Variants in CLEC16A observed in about 807,000 individuals in gnomAD.
CLEC16A encodes protein CLEC16A.
Under a neutral mutation model 109.5 loss-of-function variants are expected in CLEC16A, and 51 were observed. The ratio of observed to expected loss-of-function variants is 0.47; its 90% CI spans 0.37 to 0.59. CLEC16A has a LOEUF of 0.59. CLEC16A is among the 20% of genes least tolerant of loss of function. The pLI, the probability that CLEC16A is intolerant of heterozygous loss-of-function variation, is 0.00. For synonymous variants in CLEC16A, 673 were observed against 564.2 expected (o/e 1.19, Z -2.73); for missense variants, 1,339 against 1,394.0 (o/e 0.96, Z 0.63).
intron 17 of CLEC16A, 103 bp downstream of exon 17, chr16:11,047,445 A>T: frequency 1.5e-6 from 1 of 679,832 alleles, no homozygotes; most frequent in Non-Finnish European, 2.3e-6. Context: ...GGGCTTTGTG[A>T]CCAAATAGCA....
At chr16:11,012,296 A>C (rs1444010632) in intron 11 of CLEC16A, among the ~76,000 whole-genome samples, 1 of 152,174 alleles carries the variant, frequency 6.6e-6, no homozygotes, top group Non-Finnish European at 1.5e-5. Context: ...CTGTACATAC[A>C]CTTAAGAAAG....
At chr16:11,112,373 G>C (rs183279325) in intron 19 of CLEC16A, among the ~76,000 whole-genome samples, 6 of 151,674 alleles carry the variant, frequency 4.0e-5, no homozygotes, top group South Asian at 2.1e-4. Context: ...AAATAAAATA[G>C]AATGGGTCAG....
At chr16:11,028,171 G>A (rs1179925813) in intron 13 of CLEC16A, among the ~76,000 whole-genome samples, 4 of 152,234 alleles carry the variant, frequency 2.6e-5, no homozygotes, top group Non-Finnish European at 5.9e-5. Flanking sequence ...TTGCACTCCA[G>A]CCTGGGCAAC....
intron 1 of CLEC16A, among the ~76,000 whole-genome samples, chr16:10,949,841 T>C (rs1211360915): frequency 6.6e-6 from 1 of 152,180 alleles, no homozygotes; most frequent in African/African-American, 2.4e-5. Context: ...TAGCAGCTGC[T>C]GTCATCCAGG....
At chr16:10,960,867 C>G (rs1018391459) in intron 2 of CLEC16A, among the ~76,000 whole-genome samples, 2 of 152,154 alleles carry the variant, frequency 1.3e-5, no homozygotes, top group Admixed American at 1.3e-4. Flanking sequence ...CTATTAGGAG[C>G]TCTTTCAGGC....
intron 19 of CLEC16A, among the ~76,000 whole-genome samples, chr16:11,112,130 A>G (rs1213733198): frequency 6.6e-6 from 1 of 152,232 alleles, no homozygotes; most frequent in African/African-American, 2.4e-5. Flanking sequence ...AGTACAATGT[A>G]GGCAGTGTGG....
In CLEC16A at chr16:11,047,315, G is replaced by A. The variant is rs201749648; in HGVS notation, c.1839G>A (p.Met613Ile). 2 of 1,610,824 alleles carry A rather than the reference G, an allele frequency of 1.2e-6. No individual in the cohort carries two copies. The highest frequency in any genetic ancestry group is 8.5e-7 in the Non-Finnish European group (1 of 1,178,568). ...AGGGAGAAGACATTTTTTTGGACAT[G>A]TTTGAAGATGAGTATAGGAGCATGA... is the stretch of plus-strand genomic sequence containing the variant. ...FYKGEDIFLD[M>I]FEDEYRSMTM... Residue 613 changes from methionine to isoleucine, a missense_variant, in exon 17 of 24, where the codon ATG (methionine) becomes ATA (isoleucine). By Grantham distance (10) the Met-to-Ile change is conservative (BLOSUM62 1). Around this residue, in one of 3 missense-constraint regions of CLEC16A, gnomAD observed 1,061 missense variants for 1,006.8 expected, o/e 1.05. Transcript: ENST00000409790.
rs1397346979 is a variant in CLEC16A, at chr16:11,006,094, C to G, written c.1303+2789C>G. 2.0e-5 allele frequency among the ~76,000 whole-genome samples: 3 copies of G among 152,006 alleles called. No individual in the cohort carries two copies. In the East Asian group the frequency reaches 5.8e-4, roughly 29 times the overall value. ...CTGGGAAGCTTGGACAGGGCTGGGC[C>G]CAGGTGCGCTCACATCGTCCCAGCT... On this transcript the variant is annotated intron_variant, in intron 11 of 23. Transcript: ENST00000409790.
chr16:11,144,036 A>C (rs2053951484), intron 22 of CLEC16A, among the ~76,000 whole-genome samples: 1 of 152,202 alleles, frequency 6.6e-6, no homozygotes, highest in Non-Finnish European at 1.5e-5. Flanking sequence ...GGATAATTCT[A>C]AGTCATTGAC....
chr16:11,141,068 G>A (rs866613592), intron 22 of CLEC16A, among the ~76,000 whole-genome samples: 3 of 152,240 alleles, frequency 2.0e-5, no homozygotes, highest in African/African-American at 2.4e-5. Flanking sequence ...GCCCAAGGTC[G>A]CAAGCTCAGG....
chr16:10,991,616 A>G (rs1293570489), intron 10 of CLEC16A, among the ~76,000 whole-genome samples: 2 of 152,120 alleles, frequency 1.3e-5, no homozygotes, highest in East Asian at 3.9e-4. Flanking sequence ...TTGCTGTGGA[A>G]GGAGACTGGA....
intron 1 of CLEC16A, among the ~76,000 whole-genome samples, chr16:10,945,003 A>G (rs566717669): frequency 6.6e-6 from 1 of 152,316 alleles, no homozygotes; most frequent in East Asian, 1.9e-4. Context: ...GACCTTGGAC[A>G]AGTCGCTTAA....
chr16:11,118,917 T>G (rs2052200664), intron 19 of CLEC16A, among the ~76,000 whole-genome samples: 1 of 152,244 alleles, frequency 6.6e-6, no homozygotes, highest in African/African-American at 2.4e-5. Flanking sequence ...CGTATGTTCT[T>G]ATCAGTTTCA....
At chr16:10,973,138 T>C in intron 7 of CLEC16A, 77 bp downstream of exon 7, 1 of 1,498,604 alleles carries the variant, frequency 6.7e-7, no homozygotes, top group Non-Finnish European at 9.0e-7. Context: ...CAAGGAAAAA[T>C]AAACACAAGA....
chr16:10,954,079 G>C lies in CLEC16A; in HGVS notation c.81-3703G>C, dbSNP rs36030173. Among the ~76,000 whole-genome samples, 3 of 152,092 alleles carry C rather than the reference G, an allele frequency of 2.0e-5. No individual in the cohort carries two copies. Among genetic ancestry groups the C allele is most frequent in the Non-Finnish European group, 4.4e-5 (3 of 68,026 alleles). ...GAACAGGCACCCGGTTTCACTACTG[G>C]AAGAAAGCCCCCACGCAATATCACT... On this transcript the variant is annotated intron_variant, in intron 1 of 23. Transcript: ENST00000409790. This position sits in a 1 kb window ranked among gnomAD's most constrained non-coding sequence, Gnocchi z 4.2.
chr16:10,980,002 C>T (rs1339471148), intron 9 of CLEC16A, among the ~76,000 whole-genome samples: 2 of 152,184 alleles, frequency 1.3e-5, no homozygotes, highest in African/African-American at 4.8e-5. Flanking sequence ...AGTTACATAA[C>T]TTTAAAAATA....
intron 22 of CLEC16A, among the ~76,000 whole-genome samples, chr16:11,138,791 G>A (rs1257330242): frequency 1.3e-5 from 2 of 152,144 alleles, no homozygotes; most frequent in African/African-American, 4.8e-5. Context: ...TTTGACTGCT[G>A]CGATCATCTG....
At chr16:11,107,696 T>C (rs1174553995) in intron 19 of CLEC16A, among the ~76,000 whole-genome samples, 1 of 152,190 alleles carries the variant, frequency 6.6e-6, no homozygotes, top group Non-Finnish European at 1.5e-5. Context: ...CAGGGCCCAG[T>C]TCCTTGTCAC....
Position 11,173,193 on chromosome 16 carries a change from A to G in CLEC16A, c.2807-5142A>G, listed in dbSNP as rs184504098. Reference sequence around the variant, plus strand: ...TAAGGACAGAAACCCCAAGTAAGATATCGTCCCTTTTCTCAGTTTTCTCTG... The same window carrying G: ...TAAGGACAGAAACCCCAAGTAAGATGTCGTCCCTTTTCTCAGTTTTCTCTG... On this transcript the variant is annotated intron_variant, in intron 23 of 23. Coordinates refer to ENST00000409790, the MANE Select transcript of CLEC16A (RefSeq NM_015226.3). Among the ~76,000 whole-genome samples, 3 of 152,146 alleles carry G rather than the reference A, an allele frequency of 2.0e-5. No individual in the cohort carries two copies. In the East Asian group the frequency reaches 5.8e-4, roughly 29 times the overall value.
Sources: allele counts gnomAD v4.1 joint callset (sites outside exome capture counted in the v4.1 genomes callset), GRCh38; gene constraint gnomAD v4.1.1; regional missense constraint gnomAD v4.1.1; non-coding constraint Gnocchi (gnomAD v3.1); transcripts MANE v1.5; gene names NCBI Gene and HGNC (gene_info 2026-07-23, HGNC 2026-07-21).